The following ABLIM2 variants were observed in gnomAD, a reference collection of about 807,000 sequenced individuals.
The protein encoded by ABLIM2 is actin binding LIM protein family member 2, also known as actin-binding LIM protein 2.
ABLIM2 carries 53 observed loss-of-function variants against 97.7 expected under a neutral mutation model. The observed-to-expected ratio is 0.54, with a 90% CI of 0.44 to 0.68. The LOEUF is 0.68. ABLIM2 is among the 30% of genes least tolerant of loss of function. The pLI is 0.00. For missense variants in ABLIM2, 835 were observed against 867.2 expected (o/e 0.96, Z 0.47); for synonymous variants, 361 against 345.8 (o/e 1.04, Z -0.49).
chr4:8,045,057 G>T, intron 9 of ABLIM2, 107 bp downstream of exon 9: 1 of 988,926 alleles, frequency 1.0e-6, no homozygotes, highest in Non-Finnish European at 1.6e-6. Context: ...GGCCCCAGAT[G>T]ATAGTTCTCG....
chr4:8,145,031 T>A (rs1561631962), intron 1 of ABLIM2, among the ~76,000 whole-genome samples: 1 of 152,080 alleles, frequency 6.6e-6, no homozygotes, highest in African/African-American at 2.4e-5. Flanking sequence ...CCGTGTGACC[T>A]GGGGCGGGTC....
chr4:8,055,113 A>G (rs1798250276), intron 7 of ABLIM2, among the ~76,000 whole-genome samples: 1 of 152,046 alleles, frequency 6.6e-6, no homozygotes, highest in South Asian at 2.1e-4. Flanking sequence ...CACTGGGTGA[A>G]TTTAATAAAA....
intron 16 of ABLIM2, 88 bp downstream of exon 16, chr4:8,007,971 T>C (rs1372133327): frequency 6.4e-7 from 1 of 1,566,712 alleles, no homozygotes; most frequent in Non-Finnish European, 8.7e-7. Flanking sequence ...AAGGCTTAGA[T>C]GTAGGGGGAT....
In ABLIM2 at chr4:8,106,560, C is replaced by T; in HGVS notation, c.88G>A (p.Val30Met). The T allele has an allele frequency of 1.2e-6, 2 of 1,609,656 alleles. No individual in the cohort carries two copies. Among genetic ancestry groups the T allele is most frequent in the East Asian group, 2.2e-5 (1 of 44,744 alleles). The change falls in exon 2 of 21, where the codon GTG becomes ATG. Residue 30 changes from valine to methionine, a missense_variant. Val to Met is a conservative substitution (Grantham distance 21). Coordinates refer to ENST00000447017, the MANE Select transcript of ABLIM2 (RefSeq NM_001130083.2). Reference protein sequence around the residue: ...TAILCNTCGNVCKGEVLRVQD... With the variant: ...TAILCNTCGNMCKGEVLRVQD... ...ACCCGCAGCACCTCGCCCTTGCACA[C>T]ATTCCCACACGTGTTGCACAGGATC...
intron 3 of ABLIM2, among the ~76,000 whole-genome samples, chr4:8,092,389 G>T (rs769491795): frequency 6.6e-6 from 1 of 152,100 alleles, no homozygotes; most frequent in Non-Finnish European, 1.5e-5. Flanking sequence ...AGCTGGGAAC[G>T]GAATCATGCA....
Position 8,128,041 on chromosome 4 carries a change from A to G in ABLIM2, c.11-21404T>C, listed in dbSNP as rs1848706089. On this transcript the variant is annotated intron_variant, in intron 1 of 20. Transcript: ENST00000447017. The surrounding 1 kb of genome is among the most constrained non-coding windows in gnomAD (Gnocchi z 4.9). Reference sequence around the variant, plus strand: ...CAGTTCTGGGGGCCAGAAGTCTGACATGAAGGTGCCAGCAGGACCCTGCTC... The same window carrying G: ...CAGTTCTGGGGGCCAGAAGTCTGACGTGAAGGTGCCAGCAGGACCCTGCTC... Among the ~76,000 whole-genome samples, 1 of 152,188 alleles carries G rather than the reference A, an allele frequency of 6.6e-6. No individual in the cohort carries two copies. Among genetic ancestry groups the G allele is most frequent in the South Asian group, 2.1e-4 (1 of 4,834 alleles).
At chr4:8,079,758 G>A (rs1000887939) in intron 5 of ABLIM2, among the ~76,000 whole-genome samples, 6 of 148,588 alleles carry the variant, frequency 4.0e-5, no homozygotes, top group Admixed American at 1.3e-4. Flanking sequence ...ATATGCGTGC[G>A]TGCGTGTGTG....
rs551266506 is a variant in ABLIM2 at position 8,065,056 on chromosome 4, C to T, written c.676-4002G>A. ...CTTGAGGCCAGGAGTTCAAGACCAG[C>T]CTGGGCAACATAGTGAGACATGGTC... On this transcript the variant is annotated intron_variant, in intron 6 of 20. Coordinates refer to ENST00000447017, the MANE Select transcript of ABLIM2 (RefSeq NM_001130083.2). Among the ~76,000 whole-genome samples, 43 of 152,224 alleles carry T rather than the reference C, an allele frequency of 2.8e-4. 1 individual carries two copies. The highest frequency in any genetic ancestry group is 5.6e-4 in the Non-Finnish European group (38 of 68,016).
chr4:8,077,758 C>G (rs374953999), intron 5 of ABLIM2, 37 bp from the exon 6 acceptor site: 1 of 1,562,194 alleles, frequency 6.4e-7, no homozygotes, highest in South Asian at 1.2e-5. Context: ...GGGCGGGTGT[C>G]GCCCGAGGAC....
rs796877068 is a variant in ABLIM2, at chr4:8,003,561, CTTTTTTTTTTTT to C, written c.1618+4486_1618+4497del. 1.7e-5 allele frequency among the ~76,000 whole-genome samples: 2 copies of C among 120,200 alleles called. No homozygotes were observed. Among genetic ancestry groups the C allele is most frequent in the Admixed American group, 8.6e-5 (1 of 11,664 alleles). The allele number at this position is 120,200 out of a possible 152,430, so 78.9% of individuals were successfully genotyped here. ...ACCACTACGCTCTTCTTCCAGTTTT[CTTTTTTTTTTTT>C]TTTTTTTTTGGAGATGGAGTCTCGC... On this transcript the variant is annotated intron_variant, in intron 16 of 20. Coordinates refer to ENST00000447017, the MANE Select transcript of ABLIM2 (RefSeq NM_001130083.2). The surrounding 1 kb of genome is among the most constrained non-coding windows in gnomAD (Gnocchi z 4.2).
At chr4:8,156,625 A>G (rs1533508) in intron 1 of ABLIM2, among the ~76,000 whole-genome samples, 72,078 of 152,170 alleles carry the variant, frequency 0.47, 17,660 homozygotes, top group African/African-American at 0.59. Flanking sequence ...CCTGGGCTCT[A>G]AGCCTTCGGC....
chr4:8,109,072 C>T (rs1838997747), intron 1 of ABLIM2, among the ~76,000 whole-genome samples: 1 of 152,242 alleles, frequency 6.6e-6, no homozygotes, highest in African/African-American at 2.4e-5. Flanking sequence ...CATGTCCCAG[C>T]TCATCCCGTG....
At chr4:8,104,933 C>CT (rs1342594934) in intron 2 of ABLIM2, among the ~76,000 whole-genome samples, 1 of 152,192 alleles carries the variant, frequency 6.6e-6, no homozygotes, top group African/African-American at 2.4e-5. Flanking sequence ...ATGGGCAGCA[C>CT]TGGAGACAGC....
chr4:8,080,881 G>T, intron 4 of ABLIM2, 79 bp from the exon 5 acceptor site: 1 of 1,510,208 alleles, frequency 6.6e-7, no homozygotes, highest in Non-Finnish European at 8.9e-7. Context: ...TCCACACTCC[G>T]TGAAGGCCCC....
At chr4:8,144,236 A>G (rs975182509) in intron 1 of ABLIM2, among the ~76,000 whole-genome samples, 3 of 152,162 alleles carry the variant, frequency 2.0e-5, no homozygotes, top group Admixed American at 2.0e-4. Flanking sequence ...TCCTGGTAAA[A>G]TCCCAATTTC....
At chr4:8,006,869 A>AT (rs968022252) in intron 16 of ABLIM2, among the ~76,000 whole-genome samples, 8 of 145,258 alleles carry the variant, frequency 5.5e-5, no homozygotes, top group African/African-American at 2.2e-4. Context: ...CCTCTGGGGG[A>AT]TTTTTGCAGG....
At position 8,072,079 on chromosome 4, in the gene ABLIM2, C is replaced by G; in HGVS notation, c.675+5549G>C. On this transcript the variant is annotated intron_variant, in intron 6 of 20. Transcript: ENST00000447017. The surrounding 1 kb of genome is among the most constrained non-coding windows in gnomAD (Gnocchi z 5.8). ...AGAGCCCGCCGACTCAGCCACGCCG[C>G]CACAGACTCGCCTCCCCGGCAGAGG... The G allele has an allele frequency of 1.0e-6, 1 of 985,362 alleles. No homozygotes were observed. Among genetic ancestry groups the G allele is most frequent in the Non-Finnish European group, 1.2e-6 (1 of 829,858 alleles). 61.0% of individuals were successfully genotyped at this position (985,362 alleles called of 1,614,324 possible). A position where few individuals can be genotyped will look rare whatever the true frequency, so the allele number is the denominator to read the frequency against.
At chr4:8,143,014 C>A (rs1259092379) in intron 1 of ABLIM2, among the ~76,000 whole-genome samples, 2 of 152,174 alleles carry the variant, frequency 1.3e-5, no homozygotes, top group African/African-American at 4.8e-5. Context: ...TCTGCAGGCC[C>A]CCTCTTCCCA....
In ABLIM2 at chr4:8,123,448, C is replaced by A. The variant is rs1256714351; in HGVS notation, c.11-16811G>T. ...TTTCTGCCTGTCTGCCCTCCCGTCT[C>A]CCCCTCAAATTCCTGACCCTTCTCA... On this transcript the variant is annotated intron_variant, in intron 1 of 20. Coordinates refer to ENST00000447017, the MANE Select transcript of ABLIM2 (RefSeq NM_001130083.2). This position sits in a 1 kb window ranked among gnomAD's most constrained non-coding sequence, Gnocchi z 6.2. Among the ~76,000 whole-genome samples, 1 of 152,212 alleles carries A rather than the reference C, an allele frequency of 6.6e-6. No homozygotes were observed. Among genetic ancestry groups the A allele is most frequent in the Non-Finnish European group, 1.5e-5 (1 of 68,022 alleles).
Sources: gnomAD v4.1 joint callset for allele counts (sites outside exome capture counted in the v4.1 genomes callset) on GRCh38, gnomAD v4.1.1 for gene constraint, Gnocchi (gnomAD v3.1) non-coding constraint, MANE v1.5 for transcripts, NCBI Gene and HGNC (gene_info 2026-07-23, HGNC 2026-07-21) for gene names.